SND1: variants seen among roughly 807,000 people sequenced by gnomAD.
SND1 encodes staphylococcal nuclease domain-containing protein 1.
Under a neutral mutation model 121.7 loss-of-function variants are expected in SND1, and 38 were observed. That is an observed-to-expected ratio of 0.31 (90% confidence interval 0.24 to 0.41). SND1 has a LOEUF of 0.41. Ranked by LOEUF, SND1 falls within the 10% of genes least tolerant of loss-of-function variation. SND1 has a pLI of 1.00. For missense variants in SND1, 868 were observed against 1,184.6 expected, an observed-to-expected ratio of 0.73 and a Z score of 3.92; for synonymous variants, 401 against 447.4, an observed-to-expected ratio of 0.90 and a Z score of 1.31.
chr7:127,847,351 C>T (rs1049742207), intron 12 of SND1, among the ~76,000 whole-genome samples: 1 of 152,164 alleles, frequency 6.6e-6, no homozygotes, highest in Non-Finnish European at 1.5e-5. Flanking sequence ...TCTCCAAATA[C>T]TTAGCTTATT....
Position 127,959,873 on chromosome 7 carries a change from G to A in SND1, c.1669+30544G>A, listed in dbSNP as rs1019327036. Among the ~76,000 whole-genome samples the A allele has an allele frequency of 2.6e-5, 4 of 152,312 alleles. No homozygotes were observed. The East Asian group carries it at 7.7e-4, about 29-fold the overall frequency. ...ATATTTGTTGAATGAATTGGCTCTA[G>A]TAGCCATGGTATTCCCCTATGATAT... On this transcript the variant is annotated intron_variant, in intron 15 of 23. Coordinates refer to ENST00000354725, the MANE Select transcript of SND1 (RefSeq NM_014390.4).
intron 14 of SND1, among the ~76,000 whole-genome samples, chr7:127,919,854 A>C (rs1307277057): frequency 6.6e-6 from 1 of 152,180 alleles, no homozygotes; most frequent in African/African-American, 2.4e-5. Flanking sequence ...GGTGTATTTG[A>C]TATAAATTGG....
At chr7:127,683,902 A>C (rs149129874) in intron 1 of SND1, among the ~76,000 whole-genome samples, 6 of 152,360 alleles carry the variant, frequency 3.9e-5, no homozygotes, top group African/African-American at 1.2e-4. Context: ...CAATGCAAGG[A>C]AGTTCTGACA....
chr7:128,023,070 G>A (rs1803394892), intron 16 of SND1, among the ~76,000 whole-genome samples: 1 of 152,074 alleles, frequency 6.6e-6, no homozygotes, highest in African/African-American at 2.4e-5. Context: ...CCCCATCCAG[G>A]GTCCAGCCAG....
chr7:128,087,136 A>G (rs1385633603), intron 21 of SND1, 85 bp downstream of exon 21: 11 of 996,104 alleles, frequency 1.1e-5, no homozygotes, highest in Non-Finnish European at 1.7e-5. Context: ...TGACAGGAGA[A>G]GATGGAAACT....
chr7:127,907,722 G>A (rs1387183956), intron 14 of SND1, among the ~76,000 whole-genome samples: 1 of 152,190 alleles, frequency 6.6e-6, no homozygotes, highest in Non-Finnish European at 1.5e-5. Flanking sequence ...GTGTTGTATG[G>A]AAGAGATTAT....
chr7:128,007,347 G>C (rs1803005448), intron 16 of SND1, among the ~76,000 whole-genome samples: 1 of 152,202 alleles, frequency 6.6e-6, no homozygotes, highest in Non-Finnish European at 1.5e-5. Flanking sequence ...GTGGCTCCCT[G>C]CTTTCAGATC....
At chr7:127,992,133 G>A (rs1802536867) in intron 16 of SND1, among the ~76,000 whole-genome samples, 1 of 152,122 alleles carries the variant, frequency 6.6e-6, no homozygotes, top group South Asian at 2.1e-4. Context: ...TGCTTTGTTG[G>A]CTATCTGTAC....
At chr7:127,665,022 C>G (rs1037745086) in intron 1 of SND1, among the ~76,000 whole-genome samples, 1 of 152,126 alleles carries the variant, frequency 6.6e-6, no homozygotes, top group African/African-American at 2.4e-5. Context: ...GGAGATATCA[C>G]TGGACCAGGG....
intron 16 of SND1, among the ~76,000 whole-genome samples, chr7:128,000,393 G>T (rs1371620502): frequency 6.8e-6 from 1 of 146,554 alleles, no homozygotes; most frequent in Non-Finnish European, 1.5e-5. Flanking sequence ...TTTGAGACAG[G>T]GTCTCACTCT....
chr7:128,028,491 T>A, intron 16 of SND1: 21 of 518,612 alleles, frequency 4.0e-5, no homozygotes, highest in Non-Finnish European at 4.2e-5. Context: ...TAAATAGAAC[T>A]TACAAGTTAG....
In SND1 at chr7:127,872,619, AAC is replaced by A. The variant is rs147359671; in HGVS notation, c.1344-15276_1344-15275del. 3.7e-3 allele frequency among the ~76,000 whole-genome samples: 425 copies of A among 116,150 alleles called. 19 individuals carry two copies. In the East Asian group the frequency reaches 0.09, roughly 25 times the overall value. The allele number at this position is 116,150 out of a possible 152,430, so 76.2% of individuals were successfully genotyped here. ...CAGTATCTTACATTAGACCTTTTTT[AAC>A]ACACACGCACACACACACACACACA... On this transcript the variant is annotated intron_variant, in intron 12 of 23. Coordinates refer to ENST00000354725, the MANE Select transcript of SND1 (RefSeq NM_014390.4).
intron 12 of SND1, among the ~76,000 whole-genome samples, chr7:127,855,822 C>G (rs1355842437): frequency 6.6e-6 from 1 of 152,144 alleles, no homozygotes; most frequent in Non-Finnish European, 1.5e-5. Flanking sequence ...CATCACACTC[C>G]CTGTGGCCAA....
At chr7:127,905,010 G>A (rs909033133) in intron 14 of SND1, among the ~76,000 whole-genome samples, 191 bp downstream of exon 14, 4 of 152,144 alleles carry the variant, frequency 2.6e-5, no homozygotes, top group Non-Finnish European at 4.4e-5. Context: ...TGGAAAAGCA[G>A]AATTAACTTC....
Position 128,084,757 on chromosome 7 carries a change from G to A in SND1, c.2144G>A (p.Arg715His), listed in dbSNP as rs375174369. Residue 715 changes from arginine to histidine, a missense_variant, in exon 19 of 24, where the codon CGC becomes CAC. This residue lies in a region of SND1 where 743 missense variants were observed against 1,071.3 expected (regional missense o/e 0.69). Transcript: ENST00000354725. Reference protein sequence around the residue: ...TQLEKLMENMRNDIASHPPVE... With the variant: ...TQLEKLMENMHNDIASHPPVE... ...TTGGAGAAGCTGATGGAGAACATGC[G>A]CAATGACATTGCCAGTCACCCCCCT... 37 of 1,609,772 alleles carry A rather than the reference G, an allele frequency of 2.3e-5. No individual in the cohort carries two copies. Among genetic ancestry groups the A allele is most frequent in the South Asian group, 1.0e-4 (9 of 90,266 alleles).
Position 128,062,552 on chromosome 7 carries a change from G to A in SND1, c.1780-11950G>A, listed in dbSNP as rs114349748. 6.3e-3 allele frequency among the ~76,000 whole-genome samples: 964 copies of A among 152,274 alleles called. 11 individuals carry two copies. Among genetic ancestry groups the A allele is most frequent in the South Asian group, 0.037 (180 of 4,824 alleles). Reference sequence around the variant, plus strand: ...CGTTTCTTATATTCAGTTTTATGAAGCAAGTAAATTGCCTGATCCCTAGCT... The same window carrying A: ...CGTTTCTTATATTCAGTTTTATGAAACAAGTAAATTGCCTGATCCCTAGCT... On this transcript the variant is annotated intron_variant, in intron 16 of 23. Coordinates refer to ENST00000354725, the MANE Select transcript of SND1 (RefSeq NM_014390.4).
At chr7:127,913,182 C>T (rs766137179) in intron 14 of SND1, among the ~76,000 whole-genome samples, 2 of 152,164 alleles carry the variant, frequency 1.3e-5, no homozygotes, top group African/African-American at 4.8e-5. Context: ...TTTATTTGTT[C>T]GTTCTTATAT....
chr7:127,989,307 C>G (rs1181112944), intron 15 of SND1, among the ~76,000 whole-genome samples: 1 of 152,206 alleles, frequency 6.6e-6, no homozygotes, highest in Non-Finnish European at 1.5e-5. Flanking sequence ...GGCAGTCTTT[C>G]TCCTGGCCTA....
intron 15 of SND1, among the ~76,000 whole-genome samples, chr7:127,962,984 T>C (rs988026931): frequency 6.6e-6 from 1 of 152,236 alleles, no homozygotes; most frequent in African/African-American, 2.4e-5. Context: ...CATATTTTCT[T>C]CCTTCTTAGA....
Sources: gnomAD v4.1 joint callset for allele counts (sites outside exome capture counted in the v4.1 genomes callset) on GRCh38, gnomAD v4.1.1 for gene constraint, gnomAD v4.1.1 regional missense constraint, MANE v1.5 for transcripts, NCBI Gene and HGNC (gene_info 2026-07-23, HGNC 2026-07-21) for gene names.